PITPNC1: variants seen among roughly 807,000 people sequenced by gnomAD.
The protein encoded by PITPNC1 is phosphatidylinositol transfer protein cytoplasmic 1, also known as cytoplasmic phosphatidylinositol transfer protein 1.
Under a neutral mutation model 44.7 loss-of-function variants are expected in PITPNC1, and 18 were observed. The ratio of observed to expected loss-of-function variants is 0.40; its 90% CI spans 0.28 to 0.60. The LOEUF is 0.60. Among genes scored for constraint, PITPNC1 ranks in the 20% least tolerant of loss-of-function variants. The probability of loss-of-function intolerance (pLI) is 0.39; values close to 1 mark genes in which losing one functional copy is unlikely to be tolerated. For missense variants in PITPNC1, 290 were observed against 418.4 expected (o/e 0.69, Z 2.68); for synonymous variants, 141 against 149.6 (o/e 0.94, Z 0.42).
intron 1 of PITPNC1, among the ~76,000 whole-genome samples, chr17:67,410,128 C>T (rs563726764): frequency 7.2e-5 from 11 of 152,288 alleles, no homozygotes; most frequent in Non-Finnish European, 1.2e-4. Flanking sequence ...TCTGTTTGTT[C>T]TGTCTCTCAT....
chr17:67,520,379 G>A (rs963182033), intron 1 of PITPNC1, among the ~76,000 whole-genome samples: 4 of 152,176 alleles, frequency 2.6e-5, no homozygotes, highest in Non-Finnish European at 2.9e-5. Flanking sequence ...GTGGGTTTAT[G>A]TTCTGTAGTA....
In PITPNC1 at chr17:67,382,338, GGTGTGTGTGTGTGT is replaced by G. The variant is rs112100189; in HGVS notation, c.48+4157_48+4170del. On this transcript the variant is annotated intron_variant, in intron 1 of 8. Coordinates refer to ENST00000581322, the MANE Select transcript of PITPNC1 (RefSeq NM_012417.4). ...GATTAGAGTGTTGGTGGGGTTTTTT[GGTGTGTGTGTGTGT>G]GTGTGTGTGTGTGTGTGTGTTTTAG... is the stretch of plus-strand genomic sequence containing the variant. Among the ~76,000 whole-genome samples the G allele has an allele frequency of 6.2e-5, 9 of 146,092 alleles. No homozygotes were observed. In the South Asian group the frequency reaches 1.1e-3, roughly 18 times the overall value.
At chr17:67,451,627 A>G (rs954638651) in intron 1 of PITPNC1, among the ~76,000 whole-genome samples, 2 of 148,058 alleles carry the variant, frequency 1.4e-5, no homozygotes, top group African/African-American at 5.0e-5. Context: ...TTTGAGACTG[A>G]CCTTTTTTTT....
intron 1 of PITPNC1, chr17:67,456,990 CA>C (rs1480124233): frequency 6.6e-6 from 1 of 150,676 alleles, no homozygotes; most frequent in Non-Finnish European, 1.5e-5. Context: ...TTTGTTTTCT[CA>C]ACTTCTCAAC....
chr17:67,437,439 G>C (rs2038953001), intron 1 of PITPNC1, among the ~76,000 whole-genome samples: 1 of 152,220 alleles, frequency 6.6e-6, no homozygotes, highest in South Asian at 2.1e-4. Context: ...GCTGGAAGAG[G>C]CAAGGACAGA....
chr17:67,533,402 C>T (rs1231112040), intron 2 of PITPNC1, among the ~76,000 whole-genome samples: 3 of 152,162 alleles, frequency 2.0e-5, no homozygotes, highest in Non-Finnish European at 4.4e-5. Flanking sequence ...TGACGTGTTA[C>T]AGCGAAATGT....
At chr17:67,651,631 T>C (rs1206105997) in intron 6 of PITPNC1, among the ~76,000 whole-genome samples, 1 of 152,192 alleles carries the variant, frequency 6.6e-6, no homozygotes, top group Non-Finnish European at 1.5e-5. Flanking sequence ...CTCACCACAA[T>C]CAAATGTAAA....
At chr17:67,455,515 G>T (rs371876023) in intron 1 of PITPNC1, among the ~76,000 whole-genome samples, 2 of 152,232 alleles carry the variant, frequency 1.3e-5, no homozygotes, top group East Asian at 1.9e-4. Flanking sequence ...CCGACTCCTG[G>T]GTTCAAGCGA....
chr17:67,622,887 A>G (rs1175753454), intron 5 of PITPNC1, among the ~76,000 whole-genome samples: 1 of 151,972 alleles, frequency 6.6e-6, no homozygotes, highest in Non-Finnish European at 1.5e-5. Flanking sequence ...TAGCGATAAT[A>G]ATAATAAACC....
chr17:67,411,776 G>C (rs557871842), intron 1 of PITPNC1, among the ~76,000 whole-genome samples: 2 of 152,086 alleles, frequency 1.3e-5, no homozygotes, highest in South Asian at 4.2e-4. Flanking sequence ...CATCCTGGGG[G>C]TACTTAATAA....
rs1190580170 is a variant in PITPNC1 at position 67,578,265 on chromosome 17, G to A, written c.366+8G>A. The A allele has an allele frequency of 1.3e-6, 2 of 1,595,544 alleles. No homozygotes were observed. The highest frequency in any genetic ancestry group is 8.6e-7 in the Non-Finnish European group (1 of 1,164,654). On this transcript the variant is annotated splice_region_variant and intron_variant, in intron 5 of 8. Coordinates refer to ENST00000581322, the MANE Select transcript of PITPNC1 (RefSeq NM_012417.4). ...AAAGGAAGCAATGACACCGTGAGTA[G>A]CCCCTCCTTCCATGCTGCGCTCGCC...
chr17:67,393,730 G>A (rs545493747), intron 1 of PITPNC1, among the ~76,000 whole-genome samples: 22 of 152,174 alleles, frequency 1.4e-4, no homozygotes, highest in Non-Finnish European at 2.2e-4. Context: ...ACTGACCAGT[G>A]TTCTCTTAAG....
intron 8 of PITPNC1, 61 bp from the exon 9 acceptor site, chr17:67,692,511 G>A (rs1054875354): frequency 1.7e-5 from 20 of 1,181,936 alleles, no homozygotes; most frequent in Non-Finnish European, 2.4e-5. Flanking sequence ...GGGTAGTGAT[G>A]AATCTATTTG....
At chr17:67,485,370 A>ATTTTTTTTT (rs56863875) in intron 1 of PITPNC1, among the ~76,000 whole-genome samples, 1 of 122,180 alleles carries the variant, frequency 8.2e-6, no homozygotes, top group African/African-American at 3.1e-5. Context: ...TAGTTGGGTG[A>ATTTTTTTTT]TTTTTTTTTT....
At chr17:67,457,279 G>GC (rs1407361850) in intron 1 of PITPNC1, 1 of 152,246 alleles carries the variant, frequency 6.6e-6, no homozygotes, top group East Asian at 1.9e-4. Flanking sequence ...GTCTCGTGCC[G>GC]CCAAACCCTG....
At chr17:67,494,215 T>TTCTTTCTTTCTTTC (rs1568012981) in intron 1 of PITPNC1, among the ~76,000 whole-genome samples, 14 of 148,878 alleles carry the variant, frequency 9.4e-5, no homozygotes, top group African/African-American at 3.0e-4. Context: ...CTTTCTTTCT[T>TTCTTTCTTTCTTTC]TTTGAGACGT....
At chr17:67,463,294 T>C (rs1418742372) in intron 1 of PITPNC1, among the ~76,000 whole-genome samples, 1 of 152,178 alleles carries the variant, frequency 6.6e-6, no homozygotes, top group Non-Finnish European at 1.5e-5. Flanking sequence ...ATTGAAAGCT[T>C]GATTTTGATC....
At chr17:67,482,990 C>CTA (rs891921250) in intron 1 of PITPNC1, among the ~76,000 whole-genome samples, 2 of 123,072 alleles carry the variant, frequency 1.6e-5, no homozygotes, top group African/African-American at 6.7e-5. Context: ...GTAGGCCTCT[C>CTA]TATATTATGC....
intron 1 of PITPNC1, among the ~76,000 whole-genome samples, chr17:67,461,190 A>AC (rs2039332948): frequency 6.6e-6 from 1 of 152,084 alleles, no homozygotes; most frequent in African/African-American, 2.4e-5. Context: ...ATCCACACTC[A>AC]CTGTGTCCAT....
Sources: gnomAD v4.1 joint callset for allele counts (sites outside exome capture counted in the v4.1 genomes callset) on GRCh38, gnomAD v4.1.1 for gene constraint, MANE v1.5 for transcripts, NCBI Gene and HGNC (gene_info 2026-07-23, HGNC 2026-07-21) for gene names.